Variants in FAT2 observed in about 807,000 individuals in gnomAD.
The protein encoded by FAT2 is FAT atypical cadherin 2.
A neutral mutation model predicts 295.3 loss-of-function variants in FAT2; 150 were observed. That is an observed-to-expected ratio of 0.51 (90% CI 0.44 to 0.58). The LOEUF is 0.58. Ranked by LOEUF, FAT2 falls within the 20% of genes least tolerant of loss-of-function variation. The pLI is 0.00. For missense variants in FAT2, 4,868 were observed against 5,442.7 expected (o/e 0.89, Z 3.32); for synonymous variants, 2,026 against 2,150.3 (o/e 0.94, Z 1.60).
In FAT2 at chr5:151,566,777, G is replaced by A. The variant is rs775634607; in HGVS notation, c.2155C>T (p.Pro719Ser). 9.9e-6 allele frequency: 16 copies of A among 1,614,050 alleles called. No individual in the cohort carries two copies. The highest frequency in any genetic ancestry group is 2.2e-5 in the South Asian group (2 of 91,082). Residue 719 changes from proline to serine, a missense_variant, in exon 2 of 24, where the codon CCC becomes TCC. This residue lies in a region of FAT2 where 3,297 missense variants were observed against 3,669.4 expected (regional missense o/e 0.90). Coordinates refer to ENST00000261800, the MANE Select transcript of FAT2 (RefSeq NM_001447.3). ...CTCTCAAGGACATCAATGGATTGGG[G>A]GAAGTGGTCCTCAAACTGTGGGGTG... ...HYTPQFEDHFPQSIDVLESVP... is the reference protein window; with the variant it reads ...HYTPQFEDHFSQSIDVLESVP...
rs2127619833 is a variant in FAT2, at chr5:151,549,521, G to A, written c.4579-16C>T. The A allele has an allele frequency of 6.2e-7, 1 of 1,610,606 alleles. No homozygotes were observed. The highest frequency in any genetic ancestry group is 8.5e-7 in the Non-Finnish European group (1 of 1,176,992). ...GGTCTCGGACCTATGGGCCCAAAGG[G>A]GGTAATTGGGTAAGCAGCAAATGGA... is the stretch of plus-strand genomic sequence containing the variant. On this transcript the variant is annotated splice_polypyrimidine_tract_variant and intron_variant, in intron 8 of 23. Transcript: ENST00000261800.
At chr5:151,594,263 C>T (rs544954614), upstream of FAT2, among the ~76,000 whole-genome samples, 2 of 152,330 alleles carry the variant, frequency 1.3e-5, no homozygotes, top group South Asian at 2.1e-4. Flanking sequence ...CTCCTCACAA[C>T]CCCTGTGTGA....
In FAT2 at chr5:151,512,314, T is replaced by G; in HGVS notation, c.11756A>C (p.Asn3919Thr). 6.2e-7 allele frequency: 1 copy of G among 1,614,206 alleles called. No individual in the cohort carries two copies. The highest frequency in any genetic ancestry group is 1.3e-5 in the African/African-American group (1 of 75,052). Residue 3919 changes from asparagine (N) to threonine (T), a missense_variant, in exon 21 of 24, where the codon AAC (asparagine) becomes ACC (threonine). Asn to Thr is a moderately conservative substitution (Grantham distance 65, BLOSUM62 0). Around this residue, in one of 5 missense-constraint regions of FAT2, gnomAD observed 1,046 missense variants for 1,210.1 expected, o/e 0.86. Coordinates refer to ENST00000261800, the MANE Select transcript of FAT2 (RefSeq NM_001447.3). The surrounding 1 kb of genome is among the most constrained non-coding windows in gnomAD (Gnocchi z 4.1). ...GGCCAGCAGATCTAGAGCCTCTTCGTTGACCACGACAGCATCCAGGCAGCC... is the reference window on the plus strand; with the variant it reads ...GGCCAGCAGATCTAGAGCCTCTTCGGTGACCACGACAGCATCCAGGCAGCC... ...FEGCLDAVVV[N>T]EEALDLLAPG...
intron 20 of FAT2, among the ~76,000 whole-genome samples, chr5:151,515,052 C>T (rs557471095): frequency 2.0e-5 from 3 of 152,204 alleles, no homozygotes; most frequent in Admixed American, 6.5e-5. Flanking sequence ...GTCCCTTTTC[C>T]GCAAAATTTC....
At position 151,568,444 on chromosome 5, in the gene FAT2, A is replaced by G. The variant is rs1758384303; in HGVS notation, c.488T>C (p.Leu163Pro). ...YRVTISEDMP[L>P]KSPICKVTAT... Reference sequence around the variant, plus strand: ...AGTCACCTTGCAGATGGGGCTCTTCAGGGGCATGTCCTCAGAGATGGTGAC... The same window carrying G: ...AGTCACCTTGCAGATGGGGCTCTTCGGGGGCATGTCCTCAGAGATGGTGAC... Residue 163 changes from leucine (L) to proline (P), a missense_variant, in exon 2 of 24, where the codon CTG becomes CCG. Coordinates refer to ENST00000261800, the MANE Select transcript of FAT2 (RefSeq NM_001447.3). 6.2e-7 allele frequency: 1 copy of G among 1,614,070 alleles called. No individual in the cohort carries two copies. Among genetic ancestry groups the G allele is most frequent in the East Asian group, 2.2e-5 (1 of 44,900 alleles).
Position 151,521,621 on chromosome 5 carries a change from T to C in FAT2, c.10972A>G (p.Lys3658Glu), listed in dbSNP as rs1204437337. 2 of 1,614,150 alleles carry C rather than the reference T, an allele frequency of 1.2e-6. No individual in the cohort carries two copies. The highest frequency in any genetic ancestry group is 4.5e-5 in the East Asian group (2 of 44,882). Reference protein sequence around the residue: ...WRNLQRFLSHKLDIKRANIHL... With the variant: ...WRNLQRFLSHELDIKRANIHL... ...ATGTTAGCCCGTTTGATGTCCAGCT[T>C]ATGGCTGAGGAACCTCTGCAGGTTC... Residue 3658 changes from lysine to glutamate, a missense_variant, in exon 19 of 24, where the codon AAG becomes GAG. Lys to Glu is a moderately conservative substitution (Grantham distance 56). Around this residue, in one of 5 missense-constraint regions of FAT2, gnomAD observed 1,046 missense variants for 1,210.1 expected, o/e 0.86. Coordinates refer to ENST00000261800, the MANE Select transcript of FAT2 (RefSeq NM_001447.3).
At position 151,568,054 on chromosome 5, in the gene FAT2, C is replaced by T. The variant is rs142119037; in HGVS notation, c.878G>A (p.Gly293Asp). ...TTTGAAGTGCTTTCCAGGGTCACCA[C>T]CAACAACTTCCACTGACTCCACTTC... The part of the protein sequence containing the change: ...GAEVESVEVV[G>D]GDPGKHFKAI... Residue 293 changes from glycine to aspartate, a missense_variant, in exon 2 of 24, where the codon GGT (glycine) becomes GAT (aspartate). Transcript: ENST00000261800. 8.7e-6 allele frequency: 14 copies of T among 1,614,078 alleles called. No individual in the cohort carries two copies. The Middle Eastern group carries it at 4.9e-4, about 57-fold the overall frequency.
In FAT2 at chr5:151,575,350, A is replaced by C. The variant is rs1425918541; in HGVS notation, c.-20-6399T>G. Among the ~76,000 whole-genome samples, 10 of 152,362 alleles carry C rather than the reference A, an allele frequency of 6.6e-5. No individual in the cohort carries two copies. In the East Asian group the frequency reaches 1.9e-3, roughly 29 times the overall value. Reference sequence around the variant, plus strand: ...CACTTGGTCTTTGGGTAGAGTATGCAGTACTGGACAGAATTAAAAGTTAAG... The same window carrying C: ...CACTTGGTCTTTGGGTAGAGTATGCCGTACTGGACAGAATTAAAAGTTAAG... On this transcript the variant is annotated intron_variant, in intron 1 of 23. Transcript: ENST00000261800.
rs1370680070 is a variant in FAT2 at position 151,525,756 on chromosome 5, C to T, written c.10506+12G>A. 4 of 1,614,006 alleles carry T rather than the reference C, an allele frequency of 2.5e-6. No homozygotes were observed. The highest frequency in any genetic ancestry group is 3.4e-6 in the Non-Finnish European group (4 of 1,179,984). On this transcript the variant is annotated intron_variant, in intron 18 of 23. Coordinates refer to ENST00000261800, the MANE Select transcript of FAT2 (RefSeq NM_001447.3). ...CCCATGGTCACCACCAGAAGCCTAG[C>T]ACAGCTCTCACCTGGATCTGAAGCT...
intron 13 of FAT2, 130 bp from the exon 14 acceptor site, chr5:151,532,100 A>G: frequency 8.3e-7 from 1 of 1,205,208 alleles, no homozygotes; most frequent in South Asian, 1.5e-5. Context: ...GCTTGGGTAT[A>G]TGAAGAGTGA....
In FAT2 at chr5:151,546,095, G is replaced by C. The variant is rs1219369685; in HGVS notation, c.5032C>G (p.Pro1678Ala). 1 of 1,614,070 alleles carries C rather than the reference G, an allele frequency of 6.2e-7. No individual in the cohort carries two copies. Among genetic ancestry groups the C allele is most frequent in the Admixed American group, 1.7e-5 (1 of 60,016 alleles). ...EIPESIPVGS[P>A]ILLVSAMSPS... ...CTCATAGCAGAGACAAGGAGGATTG[G>C]GGAACCAACAGGGATTGATTCAGGG... The change falls in exon 10 of 24, where the codon CCA becomes GCA. Residue 1678 changes from proline (P) to alanine (A), a missense_variant. By Grantham distance (27) the Pro-to-Ala change is conservative. Coordinates refer to ENST00000261800, the MANE Select transcript of FAT2 (RefSeq NM_001447.3).
Position 151,553,264 on chromosome 5 carries a change from T to C in FAT2, c.4069A>G (p.Thr1357Ala). Residue 1357 changes from threonine to alanine, a missense_variant, in exon 6 of 24, where the codon ACG becomes GCG. Thr to Ala is a moderately conservative substitution (Grantham distance 58, BLOSUM62 0). Transcript: ENST00000261800. ...LAFDETYYSFTVMETDPVNHM... is the reference protein window; with the variant it reads ...LAFDETYYSFAVMETDPVNHM... ...TTCACAGGGTCCGTCTCCATGACCG[T>C]AAAGCTGTAGTAGGTCTCATCAAAG... 6.2e-7 allele frequency: 1 copy of C among 1,614,200 alleles called. No homozygotes were observed. Among genetic ancestry groups the C allele is most frequent in the East Asian group, 2.2e-5 (1 of 44,880 alleles).
At chr5:151,591,128 C>T (rs1759387392) in intron 1 of FAT2, among the ~76,000 whole-genome samples, 37 bp downstream of exon 1, 1 of 152,238 alleles carries the variant, frequency 6.6e-6, no homozygotes, top group African/African-American at 2.4e-5. Context: ...CTTTGCTGCC[C>T]CCCTCCCGCA....
At position 151,544,750 on chromosome 5, in the gene FAT2, GAT is replaced by G; in HGVS notation, c.6375_6376del (p.Ser2126ThrfsTer6). ...TTGATAATCAAAGGGTTTCTTGAGT[GAT>G]ATGTCCCCAAGATAGGGGTCAATTC... On this transcript the variant is annotated frameshift_variant, in exon 10 of 24. Transcript: ENST00000261800. LOFTEE classifies it high-confidence loss of function. 1 of 1,614,162 alleles carries G rather than the reference GAT, an allele frequency of 6.2e-7. No homozygotes were observed. Among genetic ancestry groups the G allele is most frequent in the Non-Finnish European group, 8.5e-7 (1 of 1,180,024 alleles).
At chr5:151,553,449 C>G (rs2127628327) in intron 5 of FAT2, 62 bp from the exon 6 acceptor site, 2 of 1,467,916 alleles carry the variant, frequency 1.4e-6, no homozygotes, top group Non-Finnish European at 1.9e-6. Context: ...ACCCAAGCAG[C>G]CAGGACAGGA....
Position 151,542,492 on chromosome 5 carries a change from C to T in FAT2, c.8635G>A (p.Asp2879Asn), listed in dbSNP as rs1756250076. The T allele has an allele frequency of 1.2e-6, 2 of 1,614,068 alleles. No individual in the cohort carries two copies. Among genetic ancestry groups the T allele is most frequent in the South Asian group, 2.2e-5 (2 of 91,082 alleles). The change falls in exon 10 of 24, where the codon GAC becomes AAC. Residue 2879 changes from aspartate to asparagine, a missense_variant. Around this residue, in one of 5 missense-constraint regions of FAT2, gnomAD observed 3,297 missense variants for 3,669.4 expected, o/e 0.90. Transcript: ENST00000261800. Reference sequence around the variant, plus strand: ...GATAGCTGGATGGTCTGTCCGTGGTCATAGGCCACCACATGAAAATGATAA... The same window carrying T: ...GATAGCTGGATGGTCTGTCCGTGGTTATAGGCCACCACATGAAAATGATAA... Reference protein sequence around the residue: ...QTYHFHVVAYDHGQTIQLSSQ... With the variant: ...QTYHFHVVAYNHGQTIQLSSQ...
intron 13 of FAT2, 60 bp from the exon 14 acceptor site, chr5:151,532,030 A>C (rs1754682492): frequency 6.3e-7 from 1 of 1,581,974 alleles, no homozygotes; most frequent in Non-Finnish European, 8.6e-7. Context: ...ACCTGCCTGC[A>C]GCAAACCCTG....
rs1332213574 is a variant in FAT2, at chr5:151,534,418, G to T, written c.9418C>A (p.Pro3140Thr). 3 of 1,606,522 alleles carry T rather than the reference G, an allele frequency of 1.9e-6. No homozygotes were observed. The highest frequency in any genetic ancestry group is 8.5e-7 in the Non-Finnish European group (1 of 1,174,814). ...TPVAVVFARD[P>T]DQGANAQVVY... Reference sequence around the variant, plus strand: ...TCCTTCTCAGACTCACCTTGGTCGGGATCCCGGGCAAATACTACAGCCACA... The same window carrying T: ...TCCTTCTCAGACTCACCTTGGTCGGTATCCCGGGCAAATACTACAGCCACA... Residue 3140 changes from proline (P) to threonine (T), a missense_variant, in exon 13 of 24, where the codon CCC becomes ACC. Transcript: ENST00000261800.
Position 151,527,976 on chromosome 5 carries a change from G to T in FAT2, c.10164+20C>A. The T allele has an allele frequency of 6.2e-7, 1 of 1,612,706 alleles. No individual in the cohort carries two copies. The highest frequency in any genetic ancestry group is 8.5e-7 in the Non-Finnish European group (1 of 1,179,530). On this transcript the variant is annotated intron_variant, in intron 16 of 23. Transcript: ENST00000261800. ...CTCTGCTCTAATGAGCTCAGGGTGC[G>T]CCCCTCCCACATGACTCACCTGTTC... is the stretch of plus-strand genomic sequence containing the variant.
Sources: gnomAD v4.1 joint callset for allele counts (sites outside exome capture counted in the v4.1 genomes callset) on GRCh38, gnomAD v4.1.1 for gene constraint, gnomAD v4.1.1 regional missense constraint, Gnocchi (gnomAD v3.1) non-coding constraint, MANE v1.5 for transcripts, NCBI Gene and HGNC (gene_info 2026-07-23, HGNC 2026-07-21) for gene names.